The following SH3GLB2 variants were observed in gnomAD, a reference collection of about 807,000 sequenced individuals.
SH3GLB2 encodes the protein endophilin-B2.
SH3GLB2 carries 24 observed loss-of-function variants against 48.0 expected under a neutral mutation model. The observed-to-expected ratio is 0.50, with a 90% CI of 0.36 to 0.70. The LOEUF (loss-of-function observed/expected upper bound fraction) is 0.70, where lower values mean the gene tolerates loss of function less well. Ranked by LOEUF, SH3GLB2 falls within the 30% of genes least tolerant of loss-of-function variation. The pLI, the probability that SH3GLB2 is intolerant of heterozygous loss-of-function variation, is 0.00. For missense variants in SH3GLB2, 425 were observed against 516.0 expected, an observed-to-expected ratio of 0.82 and a Z score of 1.71; for synonymous variants, 227 against 207.6, an observed-to-expected ratio of 1.09 and a Z score of -0.80.
chr9:129,024,737 G>A (rs984381776), intron 1 of SH3GLB2, among the ~76,000 whole-genome samples: 16 of 148,502 alleles, frequency 1.1e-4, no homozygotes, highest in African/African-American at 2.5e-4. Context: ...TTGGGAGGCC[G>A]AGGTGGGCGG....
At chr9:129,020,343 C>A (rs553968545) in intron 3 of SH3GLB2, among the ~76,000 whole-genome samples, 1 of 149,642 alleles carries the variant, frequency 6.7e-6, no homozygotes, top group Non-Finnish European at 1.5e-5. Context: ...CTGAGGCAGG[C>A]GGATCACTTG....
rs1432694243 is a variant in SH3GLB2, at chr9:129,028,193, G to C, written c.-39C>G. On this transcript the variant is annotated 5_prime_UTR_variant, in exon 1 of 11. Coordinates refer to ENST00000372564, the MANE Select transcript of SH3GLB2 (RefSeq NM_020145.4). Reference sequence around the variant, plus strand: ...GGCCGCCGCGCACGGCCCGAGCGCAGCCGGCAGCCCCCGGCCCAGCCGCCG... The same window carrying C: ...GGCCGCCGCGCACGGCCCGAGCGCACCCGGCAGCCCCCGGCCCAGCCGCCG... The C allele has an allele frequency of 7.7e-7, 1 of 1,297,464 alleles. No homozygotes were observed. 80.4% of individuals were successfully genotyped at this position (1,297,464 alleles called of 1,614,324 possible).
chr9:129,027,929 C>T (rs1012177646), intron 1 of SH3GLB2, among the ~76,000 whole-genome samples, 163 bp downstream of exon 1: 4 of 152,252 alleles, frequency 2.6e-5, no homozygotes, highest in African/African-American at 4.8e-5. Flanking sequence ...GGCTCTTTCC[C>T]TCTTCCGGTC....
intron 3 of SH3GLB2, among the ~76,000 whole-genome samples, chr9:129,019,058 G>A (rs1843622728): frequency 6.6e-6 from 1 of 151,618 alleles, no homozygotes; most frequent in African/African-American, 2.4e-5. Flanking sequence ...CAATAGACAT[G>A]AAGGACTTTT....
In SH3GLB2 at chr9:129,011,693, C is replaced by T. The variant is rs1843132225; in HGVS notation, c.624+543G>A. ...CTGTCCTCCCCACCTCCTGCCCCAA[C>T]TCCCCTGGGGGCCCTGCCTAAGCCT... is the stretch of plus-strand genomic sequence containing the variant. On this transcript the variant is annotated intron_variant, in intron 6 of 10. Coordinates refer to ENST00000372564, the MANE Select transcript of SH3GLB2 (RefSeq NM_020145.4). The surrounding 1 kb of genome is among the most constrained non-coding windows in gnomAD (Gnocchi z 4.5). 1 of 153,474 alleles carries T rather than the reference C, an allele frequency of 6.5e-6. No individual in the cohort carries two copies. The highest frequency in any genetic ancestry group is 2.4e-5 in the African/African-American group (1 of 41,500). The allele number at this position is 153,474 out of a possible 1,614,324, so 9.5% of individuals were successfully genotyped here. A position where few individuals can be genotyped will look rare whatever the true frequency, so the allele number is the denominator to read the frequency against.
At chr9:129,012,421 G>A (rs1288744537) in intron 5 of SH3GLB2, 123 bp from the exon 6 acceptor site, 3 of 507,338 alleles carry the variant, frequency 5.9e-6, no homozygotes, top group Admixed American at 4.3e-5. Flanking sequence ...CCAGGGACGG[G>A]GATACAAACA....
chr9:129,017,900 A>AATAATAATAATACTAACATAG (rs1843532141), intron 3 of SH3GLB2, among the ~76,000 whole-genome samples: 1 of 146,714 alleles, frequency 6.8e-6, no homozygotes, highest in African/African-American at 2.6e-5. Flanking sequence ...TCCGTCTCAA[A>AATAATAATAATACTAACATAG]CAAAAAAAAA....
Position 129,008,727 on chromosome 9 carries a change from T to C in SH3GLB2, c.1145A>G (p.Lys382Arg). 5 of 1,614,164 alleles carry C rather than the reference T, an allele frequency of 3.1e-6. No individual in the cohort carries two copies. Among genetic ancestry groups the C allele is most frequent in the South Asian group, 2.2e-5 (2 of 91,084 alleles). The change falls in exon 11 of 11, where the codon AAG (lysine) becomes AGG (arginine). Residue 382 changes from lysine (K) to arginine (R), a missense_variant. Physicochemically the swap from Lys to Arg is conservative, Grantham distance 26. Coordinates refer to ENST00000372564, the MANE Select transcript of SH3GLB2 (RefSeq NM_020145.4). Reference sequence around the variant, plus strand: ...GTAGGTGACAGGGACCTTGCCCTTCTTGTTGCCTCTCTCGCCAATGAGCCA... The same window carrying C: ...GTAGGTGACAGGGACCTTGCCCTTCCTGTTGCCTCTCTCGCCAATGAGCCA... ...PDWLIGERGN[K>R]KGKVPVTYLE...
Position 129,022,268 on chromosome 9 carries a change from G to T in SH3GLB2, c.205+14C>A, listed in dbSNP as rs372967504. 2 of 1,612,056 alleles carry T rather than the reference G, an allele frequency of 1.2e-6. No homozygotes were observed. Among genetic ancestry groups the T allele is most frequent in the Non-Finnish European group, 1.7e-6 (2 of 1,179,524 alleles). ...CGACTACATCCCTCCCCGGGCCCAC[G>T]AACACGCACTCACTGGGGTTGGGCT... On this transcript the variant is annotated intron_variant, in intron 2 of 10. Transcript: ENST00000372564.
At chr9:129,018,476 C>T (rs575685709) in intron 3 of SH3GLB2, among the ~76,000 whole-genome samples, 1 of 151,218 alleles carries the variant, frequency 6.6e-6, no homozygotes, top group South Asian at 2.1e-4. Flanking sequence ...ACTTGGAAGG[C>T]TGAGGCAAGA....
Position 129,007,223 on chromosome 9 carries a change from C to T in SH3GLB2, c.*1461G>A, listed in dbSNP as rs1405922026. On this transcript the variant is annotated 3_prime_UTR_variant, in exon 11 of 11. Coordinates refer to ENST00000372564, the MANE Select transcript of SH3GLB2 (RefSeq NM_020145.4). The stretch of plus-strand genomic sequence containing the variant: ...GGGGAAGGCAGGTACTGATGGATGG[C>T]TAGTTCACCAGCATCTCCTCATTCC... 6.6e-6 allele frequency: 1 copy of T among 152,208 alleles called. No individual in the cohort carries two copies. Among genetic ancestry groups the T allele is most frequent in the African/African-American group, 2.4e-5 (1 of 41,420 alleles). 9.4% of individuals were successfully genotyped at this position (152,208 alleles called of 1,614,324 possible).
chr9:129,008,951 C>T (rs1842921257), intron 10 of SH3GLB2, among the ~76,000 whole-genome samples, 155 bp downstream of exon 10: 1 of 152,216 alleles, frequency 6.6e-6, no homozygotes, highest in Non-Finnish European at 1.5e-5. Flanking sequence ...CCCAGCAGAG[C>T]AAGGATCCTT....
intron 3 of SH3GLB2, among the ~76,000 whole-genome samples, chr9:129,020,603 C>T (rs1441080720): frequency 2.6e-5 from 4 of 151,682 alleles, no homozygotes; most frequent in Non-Finnish European, 4.4e-5. Flanking sequence ...CGCGGTGGCT[C>T]ACGCCTGTAA....
chr9:129,010,642 G>A (rs372496378), intron 7 of SH3GLB2, 28 bp downstream of exon 7: 37 of 1,612,966 alleles, frequency 2.3e-5, no homozygotes, highest in South Asian at 1.6e-4. Context: ...CTTCTTCCTC[G>A]AGCCCAGCCC....
chr9:129,012,316 T>C lies in SH3GLB2; in HGVS notation c.562-18A>G. 1 of 1,287,450 alleles carries C rather than the reference T, an allele frequency of 7.8e-7. No homozygotes were observed. The highest frequency in any genetic ancestry group is 9.9e-7 in the Non-Finnish European group (1 of 1,010,012). The allele number at this position is 1,287,450 out of a possible 1,614,324, so 79.8% of individuals were successfully genotyped here. A position where few individuals can be genotyped will look rare whatever the true frequency, so the allele number is the denominator to read the frequency against. On this transcript the variant is annotated intron_variant, in intron 5 of 10. Coordinates refer to ENST00000372564, the MANE Select transcript of SH3GLB2 (RefSeq NM_020145.4). The stretch of plus-strand genomic sequence containing the variant: ...GGCACCGTCTGGCGGGGAACAGAGT[T>C]CATGTGGGGAGGGGGTCACCCTGGG...
At chr9:129,020,337 G>A (rs1010931093) in intron 3 of SH3GLB2, among the ~76,000 whole-genome samples, 3 of 151,848 alleles carry the variant, frequency 2.0e-5, no homozygotes, top group African/African-American at 4.8e-5. Context: ...GGGAGGCTGA[G>A]GCAGGCGGAT....
intron 1 of SH3GLB2, among the ~76,000 whole-genome samples, chr9:129,026,017 A>G (rs1844142075): frequency 6.6e-6 from 1 of 151,850 alleles, no homozygotes; most frequent in Non-Finnish European, 1.5e-5. Flanking sequence ...TCTTGTCCAA[A>G]TCTGCCTTAG....
intron 1 of SH3GLB2, among the ~76,000 whole-genome samples, chr9:129,022,803 C>T (rs1843891578): frequency 6.6e-6 from 1 of 152,178 alleles, no homozygotes; most frequent in African/African-American, 2.4e-5. Flanking sequence ...GTAGAAAGTA[C>T]TCGGGACAAA....
intron 5 of SH3GLB2, chr9:129,013,257 G>A (rs1001556602): frequency 4.2e-5 from 23 of 549,328 alleles, no homozygotes; most frequent in Non-Finnish European, 7.2e-5. Context: ...CCAAGTCCTA[G>A]CTCTGGAAAG....
Sources: gnomAD v4.1 joint callset for allele counts (sites outside exome capture counted in the v4.1 genomes callset) on GRCh38, gnomAD v4.1.1 for gene constraint, Gnocchi (gnomAD v3.1) non-coding constraint, MANE v1.5 for transcripts, NCBI Gene and HGNC (gene_info 2026-07-23, HGNC 2026-07-21) for gene names.